GABBR2: variants seen among roughly 807,000 people sequenced by gnomAD.
The protein encoded by GABBR2 is gamma-aminobutyric acid type B receptor subunit 2, also known as G-protein coupled receptor 51.
In GABBR2, 23 loss-of-function variants were observed where a neutral mutation model predicts 105.6. That is an observed-to-expected ratio of 0.22 (90% confidence interval 0.16 to 0.31). The LOEUF (loss-of-function observed/expected upper bound fraction) is 0.31. GABBR2 is among the 10% of genes least tolerant of loss of function. The pLI, the probability that GABBR2 is intolerant of heterozygous loss-of-function variation, is 1.00. For synonymous variants in GABBR2, 478 were observed against 499.7 expected (o/e 0.96, Z 0.58); for missense variants, 734 against 1,245.5 (o/e 0.59, Z 6.18).
intron 11 of GABBR2, among the ~76,000 whole-genome samples, chr9:98,377,057 A>G (rs1294811098): frequency 6.6e-6 from 1 of 152,268 alleles, no homozygotes; most frequent in Non-Finnish European, 1.5e-5. Flanking sequence ...ACCCTTGTGT[A>G]GTGCAGAAAG....
At chr9:98,637,218 C>T (rs189111718) in intron 1 of GABBR2, among the ~76,000 whole-genome samples, 6 of 152,250 alleles carry the variant, frequency 3.9e-5, no homozygotes, top group African/African-American at 4.8e-5. Context: ...GTACGAAAGT[C>T]TACACACAGG....
chr9:98,459,982 G>A (rs972624327), intron 6 of GABBR2, among the ~76,000 whole-genome samples: 8 of 152,090 alleles, frequency 5.3e-5, no homozygotes, highest in Non-Finnish European at 8.8e-5. Context: ...AATGTACTAG[G>A]TACACCAGGA....
intron 13 of GABBR2, among the ~76,000 whole-genome samples, chr9:98,360,274 G>A (rs560217980): frequency 2.4e-4 from 36 of 152,312 alleles, no homozygotes; most frequent in African/African-American, 8.7e-4. Context: ...ACAGAGGAGG[G>A]TCTGAGAGAA....
At chr9:98,440,924 A>T (rs1826020657) in intron 7 of GABBR2, among the ~76,000 whole-genome samples, 1 of 152,138 alleles carries the variant, frequency 6.6e-6, no homozygotes, top group East Asian at 1.9e-4. Flanking sequence ...CTTGACACAC[A>T]CACAGAGAGG....
chr9:98,352,412 G>T (rs982673604), intron 13 of GABBR2, among the ~76,000 whole-genome samples: 15 of 152,320 alleles, frequency 9.8e-5, no homozygotes, highest in Admixed American at 8.5e-4. Context: ...TAGTGATAAT[G>T]GTTGGGTGGG....
At chr9:98,465,899 T>A (rs776817719) in intron 6 of GABBR2, among the ~76,000 whole-genome samples, 10 of 152,170 alleles carry the variant, frequency 6.6e-5, no homozygotes, top group Non-Finnish European at 1.5e-4. Context: ...CAAATTGCAA[T>A]CCCCAGTGTT....
intron 7 of GABBR2, 39 bp downstream of exon 7, chr9:98,453,942 G>T (rs747607503): frequency 5.1e-6 from 7 of 1,362,420 alleles, no homozygotes; most frequent in Non-Finnish European, 7.4e-6. Context: ...ATGTTTACAA[G>T]GAACACTAAG....
chr9:98,314,975 A>G (rs567184197), intron 13 of GABBR2, among the ~76,000 whole-genome samples: 2 of 152,192 alleles, frequency 1.3e-5, no homozygotes, highest in South Asian at 2.1e-4. Context: ...TCCACCAGTG[A>G]TTCATGTGTT....
intron 1 of GABBR2, among the ~76,000 whole-genome samples, chr9:98,612,194 G>C (rs561982899): frequency 3.9e-5 from 6 of 152,216 alleles, no homozygotes; most frequent in Non-Finnish European, 7.3e-5. Flanking sequence ...CAGCTCTGAG[G>C]GGCTCTCAGA....
At position 98,322,161 on chromosome 9, in the gene GABBR2, G is replaced by A. The variant is rs574272256; in HGVS notation, c.1894-10956C>T. On this transcript the variant is annotated intron_variant, in intron 13 of 18. Transcript: ENST00000259455. Reference sequence around the variant, plus strand: ...AGGCCCTCTGGGCTGGCCCAGAGGGGGCACCAGGGGCACCCTCTACTCCTG... The same window carrying A: ...AGGCCCTCTGGGCTGGCCCAGAGGGAGCACCAGGGGCACCCTCTACTCCTG... 2.0e-5 allele frequency among the ~76,000 whole-genome samples: 3 copies of A among 151,888 alleles called. No individual in the cohort carries two copies. In the South Asian group the frequency reaches 6.2e-4, roughly 32 times the overall value.
intron 13 of GABBR2, among the ~76,000 whole-genome samples, chr9:98,336,215 T>G (rs1253084717): frequency 1.3e-5 from 2 of 152,044 alleles, no homozygotes; most frequent in African/African-American, 4.8e-5. Flanking sequence ...AAGTTGGGAA[T>G]AAAGTTGGAG....
intron 2 of GABBR2, among the ~76,000 whole-genome samples, chr9:98,571,524 T>C (rs1184847435): frequency 6.6e-6 from 1 of 152,160 alleles, no homozygotes. Flanking sequence ...GGTACTGAAA[T>C]GGCTGTGGTT....
At chr9:98,331,129 T>C (rs12336699) in intron 13 of GABBR2, among the ~76,000 whole-genome samples, 7 of 152,224 alleles carry the variant, frequency 4.6e-5, no homozygotes, top group African/African-American at 1.7e-4. Flanking sequence ...ATAGACCACA[T>C]TTTGTTTATT....
chr9:98,532,491 C>T (rs1238684804), intron 3 of GABBR2, among the ~76,000 whole-genome samples: 3 of 152,314 alleles, frequency 2.0e-5, no homozygotes, highest in Non-Finnish European at 2.9e-5. Flanking sequence ...TCTGCAGATA[C>T]GCTGGCAGCC....
intron 7 of GABBR2, among the ~76,000 whole-genome samples, chr9:98,440,484 C>G (rs1485876052): frequency 1.3e-5 from 2 of 152,078 alleles, no homozygotes; most frequent in Admixed American, 6.5e-5. Flanking sequence ...GTGGACACCC[C>G]CTTCCAGTCC....
rs758213559 is a variant in GABBR2, at chr9:98,385,659, G to A, written c.1643C>T (p.Thr548Ile). 2 of 1,613,328 alleles carry A rather than the reference G, an allele frequency of 1.2e-6. No individual in the cohort carries two copies. Among genetic ancestry groups the A allele is most frequent in the Admixed American group, 1.7e-5 (1 of 60,004 alleles). The change falls in exon 11 of 19, where the codon ACC becomes ATC. Residue 548 changes from threonine to isoleucine, a missense_variant. By Grantham distance (89) the Thr-to-Ile change is moderately conservative (BLOSUM62 -1). This residue lies in a region of GABBR2 where 370 missense variants were observed against 648.9 expected (regional missense o/e 0.57). Transcript: ENST00000259455. ...GLDGSFVSEK[T>I]FETLCTVRTW... ...ACTTACGGTGCAAAGTGTTTCAAAG[G>A]TCTTTTCAGAGACAAAGGATCCATC...
intron 6 of GABBR2, among the ~76,000 whole-genome samples, chr9:98,462,347 G>T (rs1312822929): frequency 6.6e-6 from 1 of 152,018 alleles, no homozygotes; most frequent in Non-Finnish European, 1.5e-5. Flanking sequence ...AAAATACATC[G>T]AGAGTGAAAA....
intron 4 of GABBR2, among the ~76,000 whole-genome samples, chr9:98,485,208 C>T (rs1827018066): frequency 1.3e-5 from 2 of 152,096 alleles, no homozygotes; most frequent in South Asian, 4.1e-4. Flanking sequence ...GGAGACCATA[C>T]ATGGAGACCT....
At chr9:98,658,533 G>C (rs1830213549) in intron 1 of GABBR2, among the ~76,000 whole-genome samples, 2 of 152,240 alleles carry the variant, frequency 1.3e-5, no homozygotes, top group East Asian at 1.9e-4. Flanking sequence ...ACAAATGCCT[G>C]CTCCCATCCA....
Sources: allele counts gnomAD v4.1 joint callset (sites outside exome capture counted in the v4.1 genomes callset), GRCh38; gene constraint gnomAD v4.1.1; regional missense constraint gnomAD v4.1.1; transcripts MANE v1.5; gene names NCBI Gene and HGNC (gene_info 2026-07-23, HGNC 2026-07-21).